Variants in SPACA7 observed in about 807,000 individuals in gnomAD.
SPACA7 encodes the protein sperm acrosome-associated protein 7.
SPACA7 carries 19 observed loss-of-function variants against 26.3 expected under a neutral mutation model. That is an observed-to-expected ratio of 0.72 (90% CI 0.50 to 1.06). SPACA7 has a LOEUF of 1.06. SPACA7 is among the 50% of genes least tolerant of loss of function. The pLI is 0.00. For synonymous variants in SPACA7, 84 were observed against 84.5 expected, an observed-to-expected ratio of 0.99 and a Z score of 0.04; for missense variants, 211 against 229.9, an observed-to-expected ratio of 0.92 and a Z score of 0.53.
intron 4 of SPACA7, among the ~76,000 whole-genome samples, chr13:112,400,491 A>C (rs140615208): frequency 4.6e-5 from 7 of 152,276 alleles, no homozygotes; most frequent in African/African-American, 1.2e-4. Flanking sequence ...TACTGTCTAC[A>C]TGGGCTACTA....
intron 5 of SPACA7, among the ~76,000 whole-genome samples, chr13:112,418,102 G>T (rs756196369): frequency 4.6e-5 from 7 of 152,092 alleles, no homozygotes; most frequent in Non-Finnish European, 1.0e-4. Context: ...TTACTTATTT[G>T]TGTTTGCCAA....
At chr13:112,432,136 G>A (rs529989239) in intron 5 of SPACA7, among the ~76,000 whole-genome samples, 1 of 152,328 alleles carries the variant, frequency 6.6e-6, no homozygotes, top group South Asian at 2.1e-4. Flanking sequence ...GACACAGAGT[G>A]GACAGAATAC....
chr13:112,382,105 C>T (rs985083794), intron 1 of SPACA7, among the ~76,000 whole-genome samples: 31 of 152,158 alleles, frequency 2.0e-4, no homozygotes, highest in African/African-American at 7.5e-4. Context: ...GTTCAGCCTA[C>T]GCCCAGGAGT....
chr13:112,405,282 CT>C (rs1180237417), intron 5 of SPACA7, among the ~76,000 whole-genome samples: 1 of 151,976 alleles, frequency 6.6e-6, no homozygotes, highest in African/African-American at 2.4e-5. Context: ...CTTTCTTGCT[CT>C]TTTTCTAGTT....
At chr13:112,408,289 T>C (rs1886121315) in intron 5 of SPACA7, among the ~76,000 whole-genome samples, 1 of 152,094 alleles carries the variant, frequency 6.6e-6, no homozygotes, top group Non-Finnish European at 1.5e-5. Flanking sequence ...ACTGGAAGCA[T>C]TCCCTTTGAA....
intron 2 of SPACA7, among the ~76,000 whole-genome samples, chr13:112,396,182 C>G (rs1927680): frequency 0.083 from 12,421 of 148,862 alleles, 1,133 homozygotes; most frequent in East Asian, 0.3. Flanking sequence ...ATGGAGTGGA[C>G]TGGGTCACAC....
At chr13:112,410,111 C>T (rs1015917985) in intron 5 of SPACA7, among the ~76,000 whole-genome samples, 2 of 151,970 alleles carry the variant, frequency 1.3e-5, no homozygotes, top group African/African-American at 4.8e-5. Flanking sequence ...CAAACTATCG[C>T]AAGGACAAAA....
At chr13:112,411,424 T>C (rs895866406) in intron 5 of SPACA7, among the ~76,000 whole-genome samples, 3 of 152,176 alleles carry the variant, frequency 2.0e-5, no homozygotes, top group Admixed American at 2.0e-4. Context: ...CAATCATTTA[T>C]CATTTCTTTG....
chr13:112,396,406 A>T (rs1159899929), intron 2 of SPACA7, among the ~76,000 whole-genome samples: 1 of 152,120 alleles, frequency 6.6e-6, no homozygotes, highest in Non-Finnish European at 1.5e-5. Context: ...CTGGGAGCCC[A>T]TCTGCCCTTG....
At chr13:112,385,298 T>A (rs1055117463) in intron 1 of SPACA7, among the ~76,000 whole-genome samples, 3 of 152,166 alleles carry the variant, frequency 2.0e-5, no homozygotes, top group African/African-American at 4.8e-5. Flanking sequence ...AAAGCCATAT[T>A]CCTATGCCTT....
At chr13:112,430,065 C>G (rs1876916942) in intron 5 of SPACA7, among the ~76,000 whole-genome samples, 1 of 152,124 alleles carries the variant, frequency 6.6e-6, no homozygotes, top group African/African-American at 2.4e-5. Context: ...GGAAATTGTT[C>G]TGCCTGTTCA....
intron 1 of SPACA7, among the ~76,000 whole-genome samples, chr13:112,381,771 C>T (rs960494863): frequency 2.0e-5 from 3 of 151,964 alleles, no homozygotes; most frequent in Non-Finnish European, 2.9e-5. Flanking sequence ...CACAGGGAGT[C>T]AAAGCTGTCT....
At chr13:112,407,545 G>A (rs1405365502) in intron 5 of SPACA7, among the ~76,000 whole-genome samples, 2 of 152,110 alleles carry the variant, frequency 1.3e-5, no homozygotes, top group East Asian at 3.9e-4. Flanking sequence ...TATCACCACC[G>A]ATACCAAAGA....
intron 2 of SPACA7, among the ~76,000 whole-genome samples, chr13:112,396,446 T>A (rs1289443447): frequency 6.6e-6 from 1 of 152,190 alleles, no homozygotes; most frequent in Non-Finnish European, 1.5e-5. Flanking sequence ...TGACCTGCTG[T>A]GCCTGGTCAC....
chr13:112,376,534 G>A lies in SPACA7; in HGVS notation c.94+55G>A, dbSNP rs867290355. 161 of 1,564,610 alleles carry A rather than the reference G, an allele frequency of 1.0e-4. 1 individual carries two copies. The highest frequency in any genetic ancestry group is 6.4e-4 in the African/African-American group (47 of 73,652). On this transcript the variant is annotated intron_variant, in intron 1 of 6. Transcript: ENST00000283550. ...AAGAGAACTGAACCAGGTGGGGAGC[G>A]GCGGCCTCTTCTCCCATGGGTTCCT...
intron 5 of SPACA7, among the ~76,000 whole-genome samples, chr13:112,405,691 T>C (rs1034499993): frequency 1.3e-5 from 2 of 152,194 alleles, no homozygotes; most frequent in African/African-American, 4.8e-5. Context: ...ACCTTTTGAT[T>C]ATGTTGTTTA....
At chr13:112,399,855 A>T (rs1162732365) in intron 4 of SPACA7, among the ~76,000 whole-genome samples, 1 of 152,172 alleles carries the variant, frequency 6.6e-6, no homozygotes, top group African/African-American at 2.4e-5. Flanking sequence ...GGAAACTTAC[A>T]ATCATGGCAG....
At chr13:112,421,353 G>A (rs1875961904) in intron 5 of SPACA7, among the ~76,000 whole-genome samples, 1 of 151,936 alleles carries the variant, frequency 6.6e-6, no homozygotes, top group Admixed American at 6.5e-5. Context: ...CAATAAGTTA[G>A]AGATACATAT....
At chr13:112,379,882 G>T (rs2138851941) in intron 1 of SPACA7, among the ~76,000 whole-genome samples, 1 of 152,226 alleles carries the variant, frequency 6.6e-6, no homozygotes. Flanking sequence ...CTATGAAATG[G>T]TAGCTATCCA....
Sources: allele counts gnomAD v4.1 joint callset (sites outside exome capture counted in the v4.1 genomes callset), GRCh38; gene constraint gnomAD v4.1.1; transcripts MANE v1.5; gene names NCBI Gene and HGNC (gene_info 2026-07-23, HGNC 2026-07-21).